CACNA2D3: variants seen among roughly 807,000 people sequenced by gnomAD.
The protein encoded by CACNA2D3 is calcium voltage-gated channel auxiliary subunit alpha2delta 3, also known as voltage-dependent calcium channel subunit alpha-2/delta-3.
A neutral mutation model predicts 160.6 loss-of-function variants in CACNA2D3; 60 were observed. The ratio of observed to expected loss-of-function variants is 0.37; its 90% confidence interval spans 0.30 to 0.46. The LOEUF is 0.46. CACNA2D3 is among the 20% of genes least tolerant of loss of function. CACNA2D3 has a pLI of 1.00. For missense variants in CACNA2D3, 1,205 were observed against 1,365.0 expected (o/e 0.88, Z 1.85); for synonymous variants, 558 against 492.9 (o/e 1.13, Z -1.75).
At chr3:54,911,236 T>G (rs1311230206) in intron 27 of CACNA2D3, among the ~76,000 whole-genome samples, 1 of 152,076 alleles carries the variant, frequency 6.6e-6, no homozygotes, top group African/African-American at 2.4e-5. Flanking sequence ...AAAGTGTCAT[T>G]TATTTTTTAC....
At chr3:54,525,746 G>C (rs967994782) in intron 5 of CACNA2D3, among the ~76,000 whole-genome samples, 2 of 148,818 alleles carry the variant, frequency 1.3e-5, no homozygotes, top group Non-Finnish European at 3.0e-5. Context: ...TTTCTTGTCT[G>C]CTTTCAATAT....
Position 54,686,223 on chromosome 3 carries a change from G to T in CACNA2D3, c.1167+43982G>T, listed in dbSNP as rs185995318. 4.4e-3 allele frequency among the ~76,000 whole-genome samples: 669 copies of T among 152,304 alleles called. 5 individuals are homozygous for T. The highest frequency in any genetic ancestry group is 0.016 in the African/African-American group (646 of 41,562). On this transcript the variant is annotated intron_variant, in intron 11 of 37. Transcript: ENST00000474759. ...ATGCCCATTCATTTACATATTGTCT[G>T]TGGCTGCTTTTTCACTATGTGGCTG...
chr3:54,336,555 G>A (rs1477782431), intron 3 of CACNA2D3, among the ~76,000 whole-genome samples: 1 of 152,126 alleles, frequency 6.6e-6, no homozygotes, highest in Non-Finnish European at 1.5e-5. Context: ...AATTTTAATA[G>A]TTACATGAAA....
At chr3:54,192,298 AG>A (rs1372320984) in intron 2 of CACNA2D3, among the ~76,000 whole-genome samples, 1 of 152,128 alleles carries the variant, frequency 6.6e-6, no homozygotes, top group African/African-American at 2.4e-5. Flanking sequence ...TTTATGCTAA[AG>A]GGGAAGTGCT....
At chr3:54,220,312 G>A (rs141682985) in intron 2 of CACNA2D3, among the ~76,000 whole-genome samples, 5 of 152,006 alleles carry the variant, frequency 3.3e-5, no homozygotes, top group Admixed American at 1.3e-4. Context: ...TTAATTAAGC[G>A]TGTGATTATT....
Position 54,146,234 on chromosome 3 carries a change from C to T in CACNA2D3, c.204+22640C>T, listed in dbSNP as rs116290815. 4.0e-3 allele frequency among the ~76,000 whole-genome samples: 603 copies of T among 152,266 alleles called. 6 individuals carry two copies. The highest frequency in any genetic ancestry group is 0.014 in the African/African-American group (574 of 41,536). On this transcript the variant is annotated intron_variant, in intron 2 of 37. Transcript: ENST00000474759. ...GCTACTCCTGGGACTTTCTTGAAGG[C>T]GCTGGTCCCTGGGTGTAACTGTTAT... is the stretch of plus-strand genomic sequence containing the variant.
At chr3:54,752,283 A>G (rs925510030) in intron 11 of CACNA2D3, among the ~76,000 whole-genome samples, 5 of 152,180 alleles carry the variant, frequency 3.3e-5, no homozygotes, top group African/African-American at 7.2e-5. Context: ...CCAGACTTAG[A>G]TGATCCTTGT....
At chr3:54,318,377 T>C (rs1255937598) in intron 2 of CACNA2D3, among the ~76,000 whole-genome samples, 1 of 152,172 alleles carries the variant, frequency 6.6e-6, no homozygotes, top group African/African-American at 2.4e-5. Context: ...ATGGATGTTT[T>C]CAGGGAGCGG....
intron 26 of CACNA2D3, among the ~76,000 whole-genome samples, chr3:54,897,548 C>T (rs1700220228): frequency 6.6e-6 from 1 of 152,034 alleles, no homozygotes; most frequent in Non-Finnish European, 1.5e-5. Flanking sequence ...TGGGTGCTCA[C>T]TCTATACTGC....
chr3:54,596,181 A>G (rs1702950576), intron 9 of CACNA2D3, among the ~76,000 whole-genome samples: 1 of 151,774 alleles, frequency 6.6e-6, no homozygotes, highest in Non-Finnish European at 1.5e-5. Flanking sequence ...AAGTCCATTG[A>G]TTCTCCCTCC....
chr3:54,250,479 A>C (rs1702166803), intron 2 of CACNA2D3, among the ~76,000 whole-genome samples: 1 of 152,114 alleles, frequency 6.6e-6, no homozygotes, highest in Non-Finnish European at 1.5e-5. Context: ...TGTCACCTAG[A>C]CTGGAGTGCG....
chr3:54,425,185 A>C (rs761057105), intron 4 of CACNA2D3, among the ~76,000 whole-genome samples: 18 of 152,186 alleles, frequency 1.2e-4, no homozygotes, highest in Non-Finnish European at 2.4e-4. Context: ...CAAAAAAATT[A>C]GCCAGGCGTG....
intron 4 of CACNA2D3, among the ~76,000 whole-genome samples, chr3:54,482,288 G>C (rs187058431): frequency 0.011 from 1,699 of 152,282 alleles, 14 homozygotes; most frequent in Non-Finnish European, 0.018. Flanking sequence ...GAACTGTGGT[G>C]CGTAAACTCA....
At chr3:54,932,212 T>C (rs1443054353) in intron 27 of CACNA2D3, among the ~76,000 whole-genome samples, 1 of 151,908 alleles carries the variant, frequency 6.6e-6, no homozygotes, top group African/African-American at 2.4e-5. Flanking sequence ...AAAGAATAAT[T>C]AGAACTAAAT....
intron 2 of CACNA2D3, among the ~76,000 whole-genome samples, chr3:54,278,442 T>C (rs567349615): frequency 2.6e-5 from 4 of 152,162 alleles, no homozygotes; most frequent in Non-Finnish European, 4.4e-5. Flanking sequence ...TCCTCAAGGA[T>C]CTAGAACCAG....
At chr3:54,895,330 G>A (rs1410813106) in intron 25 of CACNA2D3, among the ~76,000 whole-genome samples, 2 of 152,160 alleles carry the variant, frequency 1.3e-5, no homozygotes, top group African/African-American at 2.4e-5. Context: ...GGAAATATTG[G>A]GAGGAGGAAG....
intron 2 of CACNA2D3, among the ~76,000 whole-genome samples, chr3:54,268,193 A>G (rs1338870456): frequency 6.6e-6 from 1 of 152,176 alleles, no homozygotes; most frequent in Non-Finnish European, 1.5e-5. Context: ...AATGGGAAAG[A>G]AGCTACTGCT....
intron 29 of CACNA2D3, among the ~76,000 whole-genome samples, chr3:54,971,238 G>C (rs1251272180): frequency 6.6e-6 from 1 of 152,144 alleles, no homozygotes; most frequent in African/African-American, 2.4e-5. Flanking sequence ...ACCCTTTTCA[G>C]CAAGTTCAGG....
intron 5 of CACNA2D3, among the ~76,000 whole-genome samples, chr3:54,519,537 G>C (rs532114734): frequency 6.6e-6 from 1 of 152,334 alleles, no homozygotes; most frequent in South Asian, 2.1e-4. Context: ...GTGCAGTAGG[G>C]AGTATTTTCT....
Sources: gnomAD v4.1 joint callset for allele counts (sites outside exome capture counted in the v4.1 genomes callset) on GRCh38, gnomAD v4.1.1 for gene constraint, MANE v1.5 for transcripts, NCBI Gene and HGNC (gene_info 2026-07-23, HGNC 2026-07-21) for gene names.